The following DOCK3 variants were observed in gnomAD, a reference collection of about 807,000 sequenced individuals.
The protein encoded by DOCK3 is dedicator of cytokinesis 3.
A neutral mutation model predicts 265.6 loss-of-function variants in DOCK3; 60 were observed. The ratio of observed to expected loss-of-function variants is 0.23; its 90% confidence interval spans 0.18 to 0.28. The LOEUF (loss-of-function observed/expected upper bound fraction) is 0.28, where lower values mean the gene tolerates loss of function less well. DOCK3 is among the 10% of genes least tolerant of loss of function. The pLI, the probability that DOCK3 is intolerant of heterozygous loss-of-function variation, is 1.00. For synonymous variants in DOCK3, 881 were observed against 938.0 expected (o/e 0.94, Z 1.11); for missense variants, 1,981 against 2,594.3 (o/e 0.76, Z 5.14).
intron 3 of DOCK3, among the ~76,000 whole-genome samples, chr3:50,874,848 T>G (rs1268161260): frequency 2.6e-5 from 4 of 152,184 alleles, no homozygotes; most frequent in African/African-American, 9.7e-5. Flanking sequence ...GTGGAGTCTT[T>G]AGGTTTCTCT....
At chr3:50,734,176 A>G (rs528708257) in intron 1 of DOCK3, among the ~76,000 whole-genome samples, 1 of 152,314 alleles carries the variant, frequency 6.6e-6, no homozygotes, top group South Asian at 2.1e-4. Context: ...GCAACATGTT[A>G]CACACAACAA....
At position 51,374,390 on chromosome 3, in the gene DOCK3, T is replaced by C; in HGVS notation, c.5294-79T>C. On this transcript the variant is annotated intron_variant, in intron 49 of 52. Coordinates refer to ENST00000266037, the MANE Select transcript of DOCK3 (RefSeq NM_004947.5). The surrounding 1 kb of genome is among the most constrained non-coding windows in gnomAD (Gnocchi z 4.8). ...GTAAGGGACACCTACCCTGGTTCCC[T>C]AGTCCTGAGGATGCTTGACTGCTGG... is the stretch of plus-strand genomic sequence containing the variant. 1.5e-6 allele frequency: 2 copies of C among 1,349,288 alleles called. No individual in the cohort carries two copies. The highest frequency in any genetic ancestry group is 1.8e-4 in the Middle Eastern group (1 of 5,612). 83.6% of individuals were successfully genotyped at this position (1,349,288 alleles called of 1,614,324 possible).
At chr3:51,249,385 GC>G (rs2079051084) in intron 22 of DOCK3, among the ~76,000 whole-genome samples, 1 of 137,628 alleles carries the variant, frequency 7.3e-6, no homozygotes, top group African/African-American at 2.7e-5. Context: ...GGGGGGGTTA[GC>G]CCCCCGCCCG....
chr3:50,947,265 C>T (rs1199916073), intron 5 of DOCK3, among the ~76,000 whole-genome samples: 1 of 151,958 alleles, frequency 6.6e-6, no homozygotes, highest in African/African-American at 2.4e-5. Context: ...GCTTTCACAC[C>T]AGACATAGTC....
rs180797814 is a variant in DOCK3, at chr3:50,694,790, C to T, written c.37+19490C>T. Among the ~76,000 whole-genome samples, 3 of 152,114 alleles carry T rather than the reference C, an allele frequency of 2.0e-5. No individual in the cohort carries two copies. In the East Asian group the frequency reaches 5.8e-4, roughly 29 times the overall value. The stretch of plus-strand genomic sequence containing the variant: ...TCACTCCACTGCACTCCAGCCTGGG[C>T]GGCAGAGCCAGACTCTGTCTCAAAA... On this transcript the variant is annotated intron_variant, in intron 1 of 52. Coordinates refer to ENST00000266037, the MANE Select transcript of DOCK3 (RefSeq NM_004947.5).
intron 14 of DOCK3, 57 bp from the exon 15 acceptor site, chr3:51,225,592 A>G: frequency 6.4e-7 from 1 of 1,562,104 alleles, no homozygotes; most frequent in East Asian, 2.3e-5. Flanking sequence ...GTTCTCTGTG[A>G]AAATGGGGCA....
intron 2 of DOCK3, among the ~76,000 whole-genome samples, chr3:50,840,271 G>A (rs1276057266): frequency 6.6e-6 from 1 of 152,086 alleles, no homozygotes; most frequent in East Asian, 1.9e-4. Flanking sequence ...TGCTTTTGGT[G>A]TTGTAGTTAA....
chr3:51,292,643 C>T (rs183615410), intron 27 of DOCK3, among the ~76,000 whole-genome samples: 1 of 152,204 alleles, frequency 6.6e-6, no homozygotes, highest in East Asian at 1.9e-4. Flanking sequence ...ATCCTGTTTA[C>T]AATAGTATTT....
rs528256652 is a variant in DOCK3 at position 50,841,592 on chromosome 3, A to G, written c.122-83A>G. 5 of 545,160 alleles carry G rather than the reference A, an allele frequency of 9.2e-6. No homozygotes were observed. The South Asian group carries it at 2.1e-4, about 23-fold the overall frequency. The allele number at this position is 545,160 out of a possible 1,614,324, so 33.8% of individuals were successfully genotyped here. On this transcript the variant is annotated intron_variant, in intron 2 of 52. Transcript: ENST00000266037. ...GTGTTTTAAGGAAAGATGTGCATTT[A>G]TCTATTTTTTTCAAAAAATACTATT... is the stretch of plus-strand genomic sequence containing the variant.
At chr3:51,058,984 T>C (rs1293195096) in intron 5 of DOCK3, among the ~76,000 whole-genome samples, 1 of 152,128 alleles carries the variant, frequency 6.6e-6, no homozygotes, top group Non-Finnish European at 1.5e-5. Context: ...TACATGGGTA[T>C]GTTGCATGAT....
intron 2 of DOCK3, among the ~76,000 whole-genome samples, chr3:50,796,455 C>T (rs951221909): frequency 6.6e-6 from 1 of 152,126 alleles, no homozygotes; most frequent in African/African-American, 2.4e-5. Context: ...TCTCCTGCCT[C>T]AGCCTCCCTA....
intron 27 of DOCK3, among the ~76,000 whole-genome samples, chr3:51,303,427 A>G (rs1009823013): frequency 6.6e-6 from 1 of 152,180 alleles, no homozygotes; most frequent in African/African-American, 2.4e-5. Context: ...CATTCATCTC[A>G]GCCTCTGCCC....
At chr3:51,005,085 T>C (rs1328669909) in intron 5 of DOCK3, among the ~76,000 whole-genome samples, 1 of 152,032 alleles carries the variant, frequency 6.6e-6, no homozygotes, top group Non-Finnish European at 1.5e-5. Context: ...TATCATGCTA[T>C]GTTTTTAGTC....
intron 2 of DOCK3, among the ~76,000 whole-genome samples, chr3:50,784,415 T>G (rs1246712855): frequency 6.6e-6 from 1 of 152,230 alleles, no homozygotes; most frequent in Non-Finnish European, 1.5e-5. Context: ...GACTATAGCC[T>G]TATAGTATGG....
intron 1 of DOCK3, among the ~76,000 whole-genome samples, chr3:50,722,220 G>A (rs892864101): frequency 6.6e-6 from 1 of 152,182 alleles, no homozygotes; most frequent in African/African-American, 2.4e-5. Flanking sequence ...GGTAAAGGGT[G>A]ATTTCCTGAA....
At chr3:50,941,561 G>A (rs1259500827) in intron 5 of DOCK3, among the ~76,000 whole-genome samples, 4 of 152,024 alleles carry the variant, frequency 2.6e-5, no homozygotes, top group African/African-American at 9.7e-5. Flanking sequence ...ACATTCCTGT[G>A]TTTTTACCCT....
At chr3:50,826,744 C>T (rs889995695) in intron 2 of DOCK3, among the ~76,000 whole-genome samples, 3 of 151,992 alleles carry the variant, frequency 2.0e-5, no homozygotes, top group Non-Finnish European at 4.4e-5. Flanking sequence ...CAAAAGAGCT[C>T]TTGGAAATTA....
chr3:51,210,451 GA>G lies in DOCK3; in HGVS notation c.1126+1591del, dbSNP rs2089441847. ...GGCTGCTGCTTTTTGAAGTATGTTA[GA>G]AGCTAGTTGAGACCTTGGAAAACCT... is the stretch of plus-strand genomic sequence containing the variant. On this transcript the variant is annotated intron_variant, in intron 13 of 52. Transcript: ENST00000266037. Among the ~76,000 whole-genome samples, 4 of 152,328 alleles carry G rather than the reference GA, an allele frequency of 2.6e-5. No individual in the cohort carries two copies. In the South Asian group the frequency reaches 8.3e-4, roughly 32 times the overall value.
chr3:50,909,820 C>T (rs2049770100), intron 4 of DOCK3, among the ~76,000 whole-genome samples: 2 of 151,724 alleles, frequency 1.3e-5, no homozygotes, highest in Admixed American at 1.3e-4. Flanking sequence ...TGTTTTCCAA[C>T]CTAGTTCTGT....
Sources: gnomAD v4.1 joint callset for allele counts (sites outside exome capture counted in the v4.1 genomes callset) on GRCh38, gnomAD v4.1.1 for gene constraint, Gnocchi (gnomAD v3.1) non-coding constraint, MANE v1.5 for transcripts, NCBI Gene and HGNC (gene_info 2026-07-23, HGNC 2026-07-21) for gene names.